KCND3: variants seen among roughly 807,000 people sequenced by gnomAD.
KCND3 encodes the protein potassium voltage-gated channel subfamily D member 3.
A neutral mutation model predicts 51.1 loss-of-function variants in KCND3; 9 were observed. That is an observed-to-expected ratio of 0.18 (90% CI 0.11 to 0.31). KCND3 has a LOEUF of 0.31. Ranked by LOEUF, KCND3 falls within the 10% of genes least tolerant of loss-of-function variation. The pLI is 1.00. For synonymous variants in KCND3, 349 were observed against 368.0 expected (o/e 0.95, Z 0.59); for missense variants, 526 against 903.8 (o/e 0.58, Z 5.36).
intron 2 of KCND3, among the ~76,000 whole-genome samples, chr1:111,831,411 C>T (rs1666827499): frequency 6.6e-6 from 1 of 152,108 alleles, no homozygotes; most frequent in Middle Eastern, 3.2e-3. Flanking sequence ...GTAGCACCTC[C>T]CCCAACCTCT....
intron 2 of KCND3, among the ~76,000 whole-genome samples, chr1:111,812,789 G>A (rs961749555): frequency 6.6e-6 from 1 of 152,196 alleles, no homozygotes; most frequent in African/African-American, 2.4e-5. Flanking sequence ...ATAGGGCACA[G>A]GGAGCCGGGC....
chr1:111,916,997 A>G (rs932456035), intron 2 of KCND3, among the ~76,000 whole-genome samples: 9 of 152,244 alleles, frequency 5.9e-5, no homozygotes, highest in Admixed American at 4.6e-4. Flanking sequence ...CTAATTCTAT[A>G]TAAATTCTTC....
Position 111,981,532 on chromosome 1 carries a change from C to T in KCND3, c.1106+89G>A. The T allele has an allele frequency of 6.3e-7, 1 of 1,584,108 alleles. No individual in the cohort carries two copies. Among genetic ancestry groups the T allele is most frequent in the Non-Finnish European group, 8.7e-7 (1 of 1,154,010 alleles). On this transcript the variant is annotated intron_variant, in intron 2 of 7. Coordinates refer to ENST00000302127, the MANE Select transcript of KCND3 (RefSeq NM_001378969.1). This position sits in a 1 kb window ranked among gnomAD's most constrained non-coding sequence, Gnocchi z 6.2. ...CTTGGGTAAGGGACTCCCTCCTCCT[C>T]TACCCATGGTGACACCATCCAAGGT...
intron 3 of KCND3, among the ~76,000 whole-genome samples, chr1:111,785,443 G>T (rs1664563111): frequency 6.6e-6 from 1 of 152,162 alleles, no homozygotes; most frequent in East Asian, 1.9e-4. Flanking sequence ...GTAGGAGATA[G>T]GTGTGTATGG....
At chr1:111,896,055 A>C (rs560871919) in intron 2 of KCND3, among the ~76,000 whole-genome samples, 6 of 152,372 alleles carry the variant, frequency 3.9e-5, no homozygotes, top group African/African-American at 1.4e-4. Context: ...GACTGCGGGC[A>C]ACATGCTCCA....
intron 2 of KCND3, among the ~76,000 whole-genome samples, chr1:111,881,545 GA>G (rs1042901036): frequency 6.6e-5 from 10 of 152,196 alleles, no homozygotes; most frequent in African/African-American, 2.4e-4. Flanking sequence ...ACTGCGTGTG[GA>G]AAAATGAATC....
chr1:111,837,371 C>T (rs1395777286), intron 2 of KCND3, among the ~76,000 whole-genome samples: 1 of 152,218 alleles, frequency 6.6e-6, no homozygotes, highest in African/African-American at 2.4e-5. Flanking sequence ...ACAAGAAGAT[C>T]TCTGCTGCTC....
intron 2 of KCND3, among the ~76,000 whole-genome samples, chr1:111,886,503 CT>C (rs765862947): frequency 4.2e-4 from 64 of 152,274 alleles, no homozygotes; most frequent in Non-Finnish European, 7.5e-4. Flanking sequence ...AAGGCTTGTC[CT>C]GTGCGAGGAG....
chr1:111,982,445 C>T lies in KCND3; in HGVS notation c.282G>A (p.Val94=). Residue 94 remains valine, a synonymous_variant, in exon 2 of 8, where the codon GTG becomes GTA. Coordinates refer to ENST00000302127, the MANE Select transcript of KCND3 (RefSeq NM_001378969.1). This position sits in a 1 kb window ranked among gnomAD's most constrained non-coding sequence, Gnocchi z 8.5. ...GCTTCCCCGTGCGGTAGAAGTTGAG[C>T]ACGCAGCGGAACACCTCGGGGTCCC... ...FDRDPEVFRC[V]LNFYRTGKLH... is the part of the protein sequence containing the mutation. The T allele has an allele frequency of 1.2e-6, 2 of 1,613,930 alleles. No individual in the cohort carries two copies. The highest frequency in any genetic ancestry group is 2.2e-5 in the East Asian group (1 of 44,858).
intron 2 of KCND3, among the ~76,000 whole-genome samples, chr1:111,844,538 C>G (rs1018391758): frequency 6.6e-6 from 1 of 152,180 alleles, no homozygotes; most frequent in Non-Finnish European, 1.5e-5. Flanking sequence ...ACTCTAACAA[C>G]AGCTGTCTGC....
chr1:111,938,038 G>A (rs1313195912), intron 2 of KCND3, among the ~76,000 whole-genome samples: 1 of 152,166 alleles, frequency 6.6e-6, no homozygotes, highest in African/African-American at 2.4e-5. Flanking sequence ...CTGACTTCTC[G>A]ACATTTCAGC....
intron 2 of KCND3, among the ~76,000 whole-genome samples, chr1:111,933,238 T>G (rs1054613322): frequency 2.0e-5 from 3 of 152,076 alleles, no homozygotes; most frequent in Non-Finnish European, 4.4e-5. Flanking sequence ...GAACTGTGAG[T>G]CAATTAAGCC....
chr1:111,977,600 C>T (rs915662363), intron 2 of KCND3, among the ~76,000 whole-genome samples: 5 of 152,120 alleles, frequency 3.3e-5, no homozygotes, highest in African/African-American at 1.2e-4. Context: ...TGCTCTGAAC[C>T]CTTCCCTAGG....
At chr1:111,935,865 A>G (rs1394132806) in intron 2 of KCND3, among the ~76,000 whole-genome samples, 1 of 152,216 alleles carries the variant, frequency 6.6e-6, no homozygotes, top group African/African-American at 2.4e-5. Flanking sequence ...CATAGGGAGC[A>G]CAGAACACCC....
intron 2 of KCND3, among the ~76,000 whole-genome samples, chr1:111,881,239 C>G (rs1181204037): frequency 6.6e-6 from 1 of 152,210 alleles, no homozygotes; most frequent in Non-Finnish European, 1.5e-5. Context: ...TTTTTAATCC[C>G]AAGCAAGCAA....
At chr1:111,904,750 C>A (rs955069061) in intron 2 of KCND3, among the ~76,000 whole-genome samples, 3 of 152,238 alleles carry the variant, frequency 2.0e-5, no homozygotes, top group African/African-American at 7.2e-5. Context: ...TCTGCACCTG[C>A]CGCCGATTGG....
intron 2 of KCND3, among the ~76,000 whole-genome samples, chr1:111,952,821 G>A (rs1212560137): frequency 6.6e-6 from 1 of 152,192 alleles, no homozygotes; most frequent in African/African-American, 2.4e-5. Flanking sequence ...CCAGCAAGGG[G>A]AGGGAAAGAG....
intron 2 of KCND3, among the ~76,000 whole-genome samples, chr1:111,832,631 T>C (rs1666886705): frequency 6.6e-6 from 1 of 152,156 alleles, no homozygotes; most frequent in Non-Finnish European, 1.5e-5. Context: ...GACTCAGAAC[T>C]GCTCCATCTG....
rs1221294166 is a variant in KCND3 at position 111,771,095 on chromosome 1, G to GT, written c.*4981dup. Reference sequence around the variant, plus strand: ...AAGGAGCCCCCCAGGACTTGGGTCAGTGCCGTACACTGGTTAGAGTGACAT... The same window carrying GT: ...AAGGAGCCCCCCAGGACTTGGGTCAGTTGCCGTACACTGGTTAGAGTGACAT... On this transcript the variant is annotated 3_prime_UTR_variant, in exon 8 of 8. Coordinates refer to ENST00000302127, the MANE Select transcript of KCND3 (RefSeq NM_001378969.1). The GT allele has an allele frequency of 1.3e-5, 2 of 152,208 alleles. No homozygotes were observed. Among genetic ancestry groups the GT allele is most frequent in the East Asian group, 3.8e-4 (2 of 5,196 alleles). 9.4% of individuals were successfully genotyped at this position (152,208 alleles called of 1,614,324 possible).
Sources: gnomAD v4.1 joint callset for allele counts (sites outside exome capture counted in the v4.1 genomes callset) on GRCh38, gnomAD v4.1.1 for gene constraint, Gnocchi (gnomAD v3.1) non-coding constraint, MANE v1.5 for transcripts, NCBI Gene and HGNC (gene_info 2026-07-23, HGNC 2026-07-21) for gene names.